The following NEB variants were observed in gnomAD, a reference collection of about 807,000 sequenced individuals.
The protein encoded by NEB is nebulin.
In NEB, 512 loss-of-function variants were observed where a neutral mutation model predicts 952.2. That is an observed-to-expected ratio of 0.54 (90% confidence interval 0.50 to 0.58). NEB has a LOEUF of 0.58. Among genes scored for constraint, NEB ranks in the 20% least tolerant of loss-of-function variants. The pLI is 0.00. For missense variants in NEB, 8,428 were observed against 9,231.1 expected, an observed-to-expected ratio of 0.91 and a Z score of 3.56; for synonymous variants, 2,900 against 3,149.8, an observed-to-expected ratio of 0.92 and a Z score of 2.66.
At chr2:151,546,195 A>G in intron 134 of NEB, 150 bp downstream of exon 134, 2 of 712,448 alleles carry the variant, frequency 2.8e-6, no homozygotes, top group Non-Finnish European at 4.7e-6. Flanking sequence ...AGATCACATT[A>G]AAGTGATAAT....
chr2:151,639,780 T>G, intron 62 of NEB, 77 bp downstream of exon 62: 1 of 1,281,522 alleles, frequency 7.8e-7, no homozygotes. Context: ...CAATGTTCTT[T>G]CTTTCCTCAT....
intron 167 of NEB, 58 bp from the exon 168 acceptor site, chr2:151,501,541 TTA>T: frequency 3.9e-6 from 4 of 1,013,494 alleles, no homozygotes; most frequent in Non-Finnish European, 5.4e-6. Context: ...TTAGGTAGAC[TTA>T]ACCTAAAAAA....
intron 12 of NEB, among the ~76,000 whole-genome samples, chr2:151,707,514 TAGG>T (rs10545796): frequency 0.66 from 100,819 of 151,760 alleles, 37,813 homozygotes; most frequent in Non-Finnish European, 0.83. Context: ...AATTTACAAG[TAGG>T]AGGAGGAGGA....
At chr2:151,692,874 G>A (rs989708620) in intron 20 of NEB, among the ~76,000 whole-genome samples, 3 of 152,112 alleles carry the variant, frequency 2.0e-5, no homozygotes, top group Non-Finnish European at 4.4e-5. Flanking sequence ...GGAGGCTGAG[G>A]CAGGAGAATT....
chr2:151,514,136 A>C (rs1399468050), intron 159 of NEB, among the ~76,000 whole-genome samples, 182 bp downstream of exon 159: 1 of 152,254 alleles, frequency 6.6e-6, no homozygotes, highest in Non-Finnish European at 1.5e-5. Flanking sequence ...TACAATATCC[A>C]TTCATCAGAA....
chr2:151,492,605 G>A, intron 176 of NEB, 111 bp from the exon 177 acceptor site: 1 of 710,932 alleles, frequency 1.4e-6, no homozygotes. Context: ...TGGGTCAACT[G>A]AAGGGGCCCA....
Position 151,497,281 on chromosome 2 carries a change from A to ATTTTAT in NEB, c.24301-249_24301-248insATAAAA. The ATTTTAT allele has an allele frequency of 4.0e-6, 3 of 752,376 alleles. No homozygotes were observed. The African/African-American group carries it at 5.8e-5, about 15-fold the overall frequency. The allele number at this position is 752,376 out of a possible 1,614,324, so 46.6% of individuals were successfully genotyped here. ...AAAGGCTGTCAGAGTTATCCATGTT[A>ATTTTAT]TTTTTTTTTTTCCTTTTTTGTGAGT... On this transcript the variant is annotated intron_variant, in intron 171 of 181. Coordinates refer to ENST00000397345, the MANE Select transcript of NEB (RefSeq NM_001164508.2).
intron 143 of NEB, chr2:151,532,120 G>A (rs1053440520): frequency 3.1e-5 from 12 of 390,980 alleles, no homozygotes; most frequent in South Asian, 2.6e-4. Flanking sequence ...CCTCCGAGAC[G>A]GAGTCTTACT....
chr2:151,515,509 A>C (rs903058633), intron 157 of NEB, among the ~76,000 whole-genome samples: 2 of 152,076 alleles, frequency 1.3e-5, no homozygotes, highest in East Asian at 1.9e-4. Context: ...CACCACACTG[A>C]GTTTTGACCT....
chr2:151,682,480 T>A (rs2099426766), intron 29 of NEB, among the ~76,000 whole-genome samples, 182 bp downstream of exon 29: 1 of 152,242 alleles, frequency 6.6e-6, no homozygotes, highest in African/African-American at 2.4e-5. Flanking sequence ...ATGGTTAACA[T>A]AAATGATTTT....
chr2:151,622,837 T>C (rs1349925539), intron 71 of NEB, among the ~76,000 whole-genome samples: 1 of 152,248 alleles, frequency 6.6e-6, no homozygotes, highest in African/African-American at 2.4e-5. Context: ...ATTTCCTTTA[T>C]AGCAATGTTG....
chr2:151,667,915 C>A lies in NEB; in HGVS notation c.4612-4G>T. On this transcript the variant is annotated splice_region_variant and splice_polypyrimidine_tract_variant and intron_variant, in intron 39 of 181. Coordinates refer to ENST00000397345, the MANE Select transcript of NEB (RefSeq NM_001164508.2). ...TCCAATCTGCTTTATAATGAGCCTT[C>A]AAAAAAGTAGAGGTTATTTTATTAT... 6.3e-7 allele frequency: 1 copy of A among 1,595,538 alleles called. No homozygotes were observed.
chr2:151,509,867 C>G (rs2072660885), intron 161 of NEB, among the ~76,000 whole-genome samples: 1 of 152,168 alleles, frequency 6.6e-6, no homozygotes, highest in Non-Finnish European at 1.5e-5. Flanking sequence ...CTCGGTCTCC[C>G]AAAGTCCTGG....
intron 147 of NEB, among the ~76,000 whole-genome samples, 168 bp downstream of exon 147, chr2:151,527,313 G>A (rs1401973420): frequency 6.6e-6 from 1 of 152,174 alleles, no homozygotes; most frequent in African/African-American, 2.4e-5. Flanking sequence ...CCATGGGCAG[G>A]TTTGGGTTCT....
chr2:151,633,168 A>G (rs960892059), intron 65 of NEB, among the ~76,000 whole-genome samples: 1 of 152,232 alleles, frequency 6.6e-6, no homozygotes. Flanking sequence ...TGTCATTACC[A>G]TGTGGCTCCT....
Position 151,694,380 on chromosome 2 carries a change from G to A in NEB, c.1839C>T (p.Ser613=), listed in dbSNP as rs751976783. 41 of 1,613,878 alleles carry A rather than the reference G, an allele frequency of 2.5e-5. 2 individuals are homozygous for A. In the Admixed American group the frequency reaches 6.0e-4, roughly 24 times the overall value. ...GCAGCATCTTGGGATCGTCATTAAT[G>A]CTGAGGACTCCAATCATTTTCCCTT... The part of the protein sequence containing the change: ...KNKGKMIGVL[S]INDDPKMLHS... The change falls in exon 20 of 182, where the codon AGC becomes AGT. Residue 613 remains serine, a synonymous_variant. Transcript: ENST00000397345.
chr2:151,709,658 T>C lies in NEB; in HGVS notation c.1033A>G (p.Lys345Glu). The C allele has an allele frequency of 6.3e-7, 1 of 1,584,842 alleles. No homozygotes were observed. The highest frequency in any genetic ancestry group is 8.6e-7 in the Non-Finnish European group (1 of 1,162,522). ...MNKKAGVAAS[K>E]VKYKEDYEKN... is the part of the protein sequence containing the mutation. Reference sequence around the variant, plus strand: ...TAAATGGGATGATTTCCTCATACCTTGCTAGCTGCCACACCAGCTTTTTTA... The same window carrying C: ...TAAATGGGATGATTTCCTCATACCTCGCTAGCTGCCACACCAGCTTTTTTA... Residue 345 changes from lysine (K) to glutamate (E), a missense_variant and splice_region_variant, in exon 12 of 182, where the codon AAG (lysine) becomes GAG (glutamate). Coordinates refer to ENST00000397345, the MANE Select transcript of NEB (RefSeq NM_001164508.2).
chr2:151,499,415 G>GA lies in NEB; in HGVS notation c.24022-26dup, dbSNP rs527640575. ...CCTGTATGACACAAGAAAGCATCCA[G>GA]AAAAAACAAGAGCAGTCAAAACAGC... On this transcript the variant is annotated intron_variant, in intron 168 of 181. Transcript: ENST00000397345. 4,130 of 1,354,148 alleles carry GA rather than the reference G, an allele frequency of 3.0e-3. 10 individuals carry two copies. Among genetic ancestry groups the GA allele is most frequent in the Middle Eastern group, 5.4e-3 (30 of 5,588 alleles). The allele number at this position is 1,354,148 out of a possible 1,614,324, so 83.9% of individuals were successfully genotyped here. A position where few individuals can be genotyped will look rare whatever the true frequency, so the allele number is the denominator to read the frequency against.
At chr2:151,526,476 ATCTT>A (rs2086039592) in intron 148 of NEB, among the ~76,000 whole-genome samples, 2 of 152,286 alleles carry the variant, frequency 1.3e-5, no homozygotes, top group East Asian at 3.9e-4. Flanking sequence ...CTCGTGATGA[ATCTT>A]TATATAGTCA....
Sources: gnomAD v4.1 joint callset for allele counts (sites outside exome capture counted in the v4.1 genomes callset) on GRCh38, gnomAD v4.1.1 for gene constraint, MANE v1.5 for transcripts, NCBI Gene and HGNC (gene_info 2026-07-23, HGNC 2026-07-21) for gene names.